SIRPA: variants seen among roughly 807,000 people sequenced by gnomAD.
The protein encoded by SIRPA is signal regulatory protein alpha, also known as tyrosine-protein phosphatase non-receptor type substrate 1.
A neutral mutation model predicts 50.3 loss-of-function variants in SIRPA; 9 were observed. The observed-to-expected ratio is 0.18, with a 90% confidence interval of 0.11 to 0.31. SIRPA has a LOEUF of 0.31. Among genes scored for constraint, SIRPA ranks in the 10% least tolerant of loss-of-function variants. The pLI is 1.00. For synonymous variants in SIRPA, 265 were observed against 284.1 expected, an observed-to-expected ratio of 0.93 and a Z score of 0.68; for missense variants, 474 against 661.6, an observed-to-expected ratio of 0.72 and a Z score of 3.11.
At position 1,919,817 on chromosome 20, in the gene SIRPA, A is replaced by G. The variant is rs180948779; in HGVS notation, c.437-1578A>G. 5.3e-5 allele frequency among the ~76,000 whole-genome samples: 8 copies of G among 152,194 alleles called. No homozygotes were observed. The East Asian group carries it at 1.5e-3, about 29-fold the overall frequency. On this transcript the variant is annotated intron_variant, in intron 2 of 7. Coordinates refer to ENST00000358771, the MANE Select transcript of SIRPA (RefSeq NM_001040023.2). ...GAGGGGATTGTTTAGAAAAGGGGAG[A>G]GAATCCTCACTTGGTGGTTTCTGCT...
Position 1,910,689 on chromosome 20 carries a change from A to T in SIRPA, c.80-4410A>T, listed in dbSNP as rs901061785. 5.3e-5 allele frequency among the ~76,000 whole-genome samples: 8 copies of T among 152,210 alleles called. No homozygotes were observed. The East Asian group carries it at 1.3e-3, about 26-fold the overall frequency. ...ACATCATTACATGTACAGGTTTTTT[A>T]AAAAACAAAATGAGATACTATAAAT... On this transcript the variant is annotated intron_variant, in intron 1 of 7. Coordinates refer to ENST00000358771, the MANE Select transcript of SIRPA (RefSeq NM_001040023.2).
rs924208543 is a variant in SIRPA, at chr20:1,939,368, A to C, written c.*1800A>C. On this transcript the variant is annotated 3_prime_UTR_variant, in exon 8 of 8. Coordinates refer to ENST00000358771, the MANE Select transcript of SIRPA (RefSeq NM_001040023.2). This position sits in a 1 kb window ranked among gnomAD's most constrained non-coding sequence, Gnocchi z 4.7. ...TGGGGGATGGTCACCTGGTGATTTC[A>C]ATGATGGCATCCAGGAATTAGCTGA... 2.0e-5 allele frequency: 3 copies of C among 152,156 alleles called. No individual in the cohort carries two copies. Among genetic ancestry groups the C allele is most frequent in the African/African-American group, 7.2e-5 (3 of 41,426 alleles). The allele number at this position is 152,156 out of a possible 1,614,324, so 9.4% of individuals were successfully genotyped here. A position where few individuals can be genotyped will look rare whatever the true frequency, so the allele number is the denominator to read the frequency against.
At chr20:1,925,549 G>A (rs200162629) in intron 5 of SIRPA, among the ~76,000 whole-genome samples, 9 of 152,346 alleles carry the variant, frequency 5.9e-5, no homozygotes, top group Non-Finnish European at 8.8e-5. Flanking sequence ...CACGTGTTAC[G>A]TGTGTGTCTG....
In SIRPA at chr20:1,895,722, A is replaced by C. The variant is rs1983761020; in HGVS notation, c.79+196A>C. ...CCAAGGTCACACAGCCAAGGGTAGA[A>C]CCCAAGTCTCTTCTATGAGAGTTTG... is the stretch of plus-strand genomic sequence containing the variant. On this transcript the variant is annotated intron_variant, in intron 1 of 7. Transcript: ENST00000358771. Among the ~76,000 whole-genome samples, 5 of 152,140 alleles carry C rather than the reference A, an allele frequency of 3.3e-5. No individual in the cohort carries two copies. The South Asian group carries it at 1.0e-3, about 32-fold the overall frequency.
intron 2 of SIRPA, among the ~76,000 whole-genome samples, chr20:1,919,636 G>A (rs943563990): frequency 2.6e-5 from 4 of 152,018 alleles, no homozygotes; most frequent in South Asian, 2.1e-4. Context: ...CTTCCAATTC[G>A]GCCCCAGAAC....
rs368784112 is a variant in SIRPA, at chr20:1,898,180, T to C, written c.79+2654T>C. Among the ~76,000 whole-genome samples, 373 of 152,392 alleles carry C rather than the reference T, an allele frequency of 2.4e-3. 1 individual carries two copies. The Middle Eastern group carries it at 0.027, about 11-fold the overall frequency. ...GCCCCCCAGTGAACCTCTCACCGTT[T>C]GGTAGAGGGTGGCACTCTGGGGGCT... is the stretch of plus-strand genomic sequence containing the variant. On this transcript the variant is annotated intron_variant, in intron 1 of 7. Coordinates refer to ENST00000358771, the MANE Select transcript of SIRPA (RefSeq NM_001040023.2). This position sits in a 1 kb window ranked among gnomAD's most constrained non-coding sequence, Gnocchi z 4.3.
intron 1 of SIRPA, among the ~76,000 whole-genome samples, chr20:1,899,040 A>G (rs1430189032): frequency 1.3e-5 from 2 of 151,978 alleles, no homozygotes; most frequent in Non-Finnish European, 1.5e-5. Flanking sequence ...GCTGCTTCCA[A>G]TGGCTCCGTG....
intron 1 of SIRPA, among the ~76,000 whole-genome samples, chr20:1,899,717 A>G (rs764020972): frequency 1.3e-4 from 20 of 152,184 alleles, no homozygotes; most frequent in Non-Finnish European, 2.9e-4. Context: ...ACCCTGGCCT[A>G]GCGCTAAGAT....
chr20:1,897,886 G>T (rs1983923503), intron 1 of SIRPA, among the ~76,000 whole-genome samples: 1 of 152,232 alleles, frequency 6.6e-6, no homozygotes, highest in African/African-American at 2.4e-5. Context: ...TGGACCCAAT[G>T]TGAGGCCTGT....
chr20:1,915,003 T>A, intron 1 of SIRPA, 96 bp from the exon 2 acceptor site: 1 of 1,010,048 alleles, frequency 9.9e-7, no homozygotes, highest in Non-Finnish European at 1.5e-6. Flanking sequence ...CTGCTTCTGG[T>A]GTGCATCCAG....
chr20:1,900,439 A>G (rs1226612009), intron 1 of SIRPA, among the ~76,000 whole-genome samples: 4 of 151,432 alleles, frequency 2.6e-5, no homozygotes, highest in African/African-American at 4.9e-5. Flanking sequence ...TTGAGTAGAA[A>G]CCCAGGCTAG....
At chr20:1,926,828 C>T (rs543169563) in intron 5 of SIRPA, among the ~76,000 whole-genome samples, 16 of 152,298 alleles carry the variant, frequency 1.1e-4, no homozygotes, top group African/African-American at 3.9e-4. Flanking sequence ...ATAACTAGAC[C>T]CCCCTTCTCC....
chr20:1,922,654 T>C lies in SIRPA; in HGVS notation c.1087+9T>C, dbSNP rs373989446. ...CTCAAATACCGCCGCTGGTGAGGCC[T>C]CTATTTCAGCTGACCCAGCTTTTTT... On this transcript the variant is annotated intron_variant, in intron 4 of 7. Transcript: ENST00000358771. 3.5e-5 allele frequency: 57 copies of C among 1,606,608 alleles called. No individual in the cohort carries two copies. The African/African-American group carries it at 6.8e-4, about 19-fold the overall frequency.
intron 2 of SIRPA, among the ~76,000 whole-genome samples, chr20:1,918,960 A>G (rs998078958): frequency 2.6e-5 from 4 of 152,240 alleles, no homozygotes; most frequent in African/African-American, 7.2e-5. Context: ...CATGGGCCTC[A>G]GTGTCCTCAC....
chr20:1,912,411 AGAGAGAG>A (rs1326259198), intron 1 of SIRPA, among the ~76,000 whole-genome samples: 70 of 152,308 alleles, frequency 4.6e-4, no homozygotes, highest in Non-Finnish European at 2.1e-4. Context: ...TAACACATGA[AGAGAGAG>A]GAGATTTGCC....
chr20:1,920,113 A>T (rs1985559389), intron 2 of SIRPA, among the ~76,000 whole-genome samples: 1 of 152,166 alleles, frequency 6.6e-6, no homozygotes, highest in Non-Finnish European at 1.5e-5. Flanking sequence ...TTGTCCTAAA[A>T]GGGGCTCACA....
At chr20:1,914,505 G>A (rs1985104967) in intron 1 of SIRPA, among the ~76,000 whole-genome samples, 1 of 151,674 alleles carries the variant, frequency 6.6e-6, no homozygotes, top group African/African-American at 2.4e-5. Flanking sequence ...TGCTAGCCAG[G>A]CTCAGTCCTG....
At chr20:1,922,760 T>C in intron 4 of SIRPA, 115 bp downstream of exon 4, 2 of 1,252,026 alleles carry the variant, frequency 1.6e-6, no homozygotes, top group Non-Finnish European at 2.2e-6. Context: ...AGTCTATAAA[T>C]ATAAAGTAGA....
chr20:1,919,748 T>G (rs1381889574), intron 2 of SIRPA, among the ~76,000 whole-genome samples: 2 of 152,110 alleles, frequency 1.3e-5, no homozygotes, highest in Non-Finnish European at 2.9e-5. Flanking sequence ...GGGAGGCGCC[T>G]GTGATCTTGT....
Sources: gnomAD v4.1 joint callset for allele counts (sites outside exome capture counted in the v4.1 genomes callset) on GRCh38, gnomAD v4.1.1 for gene constraint, Gnocchi (gnomAD v3.1) non-coding constraint, MANE v1.5 for transcripts, NCBI Gene and HGNC (gene_info 2026-07-23, HGNC 2026-07-21) for gene names.